PLCE1: variants seen among roughly 807,000 people sequenced by gnomAD.
The protein encoded by PLCE1 is phospholipase C epsilon 1, also known as 1-phosphatidylinositol 4,5-bisphosphate phosphodiesterase epsilon-1.
PLCE1 carries 119 observed loss-of-function variants against 242.8 expected under a neutral mutation model. The ratio of observed to expected loss-of-function variants is 0.49; its 90% CI spans 0.42 to 0.57. The LOEUF (loss-of-function observed/expected upper bound fraction) is 0.57. PLCE1 is among the 20% of genes least tolerant of loss of function. The pLI, the probability that PLCE1 is intolerant of heterozygous loss-of-function variation, is 0.00. For synonymous variants in PLCE1, 945 were observed against 1,017.4 expected (o/e 0.93, Z 1.35); for missense variants, 2,441 against 2,788.8 (o/e 0.88, Z 2.81).
At chr10:94,049,021 T>A (rs1162765723) in intron 2 of PLCE1, among the ~76,000 whole-genome samples, 1 of 151,990 alleles carries the variant, frequency 6.6e-6, no homozygotes, top group Non-Finnish European at 1.5e-5. Context: ...GCCTCAGCCT[T>A]CCAGAATACT....
Position 94,332,495 on chromosome 10 carries a change from ATGTGTGTGCCTGTGTGTGTG to A in PLCE1, c.*4561_*4580del, listed in dbSNP as rs1463946593. The A allele has an allele frequency of 4.6e-5, 6 of 130,346 alleles. No individual in the cohort carries two copies. Among genetic ancestry groups the A allele is most frequent in the Admixed American group, 2.5e-4 (3 of 11,966 alleles). The allele number at this position is 130,346 out of a possible 1,614,324, so 8.1% of individuals were successfully genotyped here. A position where few individuals can be genotyped will look rare whatever the true frequency, so the allele number is the denominator to read the frequency against. On this transcript the variant is annotated 3_prime_UTR_variant, in exon 33 of 33. Coordinates refer to ENST00000371380, the MANE Select transcript of PLCE1 (RefSeq NM_016341.4). ...CTGTAGCTTAATATAGCCTCAGGAT[ATGTGTGTGCCTGTGTGTGTG>A]TGTGTGTGTGTGTGTGTGTGTGTGT...
At chr10:94,156,972 A>G (rs2047452078) in intron 3 of PLCE1, among the ~76,000 whole-genome samples, 1 of 152,138 alleles carries the variant, frequency 6.6e-6, no homozygotes, top group African/African-American at 2.4e-5. Context: ...TAGAGAGAAG[A>G]GCTGACGAGT....
rs750719125 is a variant in PLCE1 at position 94,171,364 on chromosome 10, A to T, written c.1677A>T (p.Leu559Phe). The change falls in exon 4 of 33, where the codon TTA (leucine) becomes TTT (phenylalanine). Residue 559 changes from leucine (L) to phenylalanine (F), a missense_variant. By Grantham distance (22) the Leu-to-Phe change is conservative. Coordinates refer to ENST00000371380, the MANE Select transcript of PLCE1 (RefSeq NM_016341.4). ...RVLPVDYLCF[L>F]TRDLGTPECQ... ...TGCCAGTCGACTACCTTTGCTTCTT[A>T]ACACGGGACTTGGGCACTCCTGAAT... 1 of 1,614,192 alleles carries T rather than the reference A, an allele frequency of 6.2e-7. No homozygotes were observed. Among genetic ancestry groups the T allele is most frequent in the East Asian group, 2.2e-5 (1 of 44,880 alleles).
intron 4 of PLCE1, among the ~76,000 whole-genome samples, chr10:94,184,400 G>T (rs1369564076): frequency 6.6e-6 from 1 of 152,212 alleles, no homozygotes; most frequent in African/African-American, 2.4e-5. Flanking sequence ...ACGACGGTCA[G>T]CTCACTGCAA....
intron 2 of PLCE1, chr10:94,089,368 G>C (rs1322815973): frequency 2.5e-6 from 4 of 1,602,542 alleles, no homozygotes; most frequent in Admixed American, 1.7e-5. Flanking sequence ...GAGGCTTAAA[G>C]AAGACCAGGT....
intron 2 of PLCE1, among the ~76,000 whole-genome samples, chr10:94,052,727 G>T (rs7082860): frequency 0.39 from 59,094 of 151,828 alleles, 14,216 homozygotes; most frequent in African/African-American, 0.69. Context: ...AATTAATTAT[G>T]GCTTTGGGAA....
intron 22 of PLCE1, among the ~76,000 whole-genome samples, chr10:94,288,773 G>C (rs567752916): frequency 6.6e-6 from 1 of 152,270 alleles, no homozygotes; most frequent in African/African-American, 2.4e-5. Flanking sequence ...TACACTGAAG[G>C]AGCCACATGG....
rs1157378517 is a variant in PLCE1 at position 94,316,664 on chromosome 10, A to G, written c.6250A>G (p.Ile2084Val). ...ECRKQPFQRA[I>V]GPEEEIMQIL... is the part of the protein sequence containing the mutation. Reference sequence around the variant, plus strand: ...TAGGAAACAACCATTCCAGAGAGCCATTGGTCCAGAAGAGGAGATCATGCA... The same window carrying G: ...TAGGAAACAACCATTCCAGAGAGCCGTTGGTCCAGAAGAGGAGATCATGCA... Residue 2084 changes from isoleucine (I) to valine (V), a missense_variant, in exon 29 of 33, where the codon ATT (isoleucine) becomes GTT (valine). Ile to Val is a conservative substitution (Grantham distance 29). Coordinates refer to ENST00000371380, the MANE Select transcript of PLCE1 (RefSeq NM_016341.4). 2 of 1,613,544 alleles carry G rather than the reference A, an allele frequency of 1.2e-6. No homozygotes were observed. Among genetic ancestry groups the G allele is most frequent in the African/African-American group, 2.7e-5 (2 of 74,940 alleles).
chr10:94,019,701 T>C (rs1362302250), intron 1 of PLCE1, among the ~76,000 whole-genome samples: 3 of 152,218 alleles, frequency 2.0e-5, no homozygotes, highest in African/African-American at 4.8e-5. Context: ...TTACTTAATT[T>C]AAATTTAAAT....
chr10:94,163,803 C>T (rs1025495371), intron 3 of PLCE1, among the ~76,000 whole-genome samples: 1 of 152,062 alleles, frequency 6.6e-6, no homozygotes, highest in Non-Finnish European at 1.5e-5. Context: ...ACCGGTTGTT[C>T]CTTTACATGT....
intron 1 of PLCE1, among the ~76,000 whole-genome samples, chr10:94,002,562 AACT>A (rs1433148006): frequency 5.9e-5 from 9 of 152,340 alleles, no homozygotes; most frequent in South Asian, 2.1e-4. Flanking sequence ...TTGCTTTAAC[AACT>A]ACAATTCTAT....
At chr10:94,062,671 TA>T (rs1364964236) in intron 2 of PLCE1, among the ~76,000 whole-genome samples, 1 of 149,906 alleles carries the variant, frequency 6.7e-6, no homozygotes, top group Non-Finnish European at 1.5e-5. Flanking sequence ...AATCTGAGAG[TA>T]ATATCTTTTG....
At chr10:94,321,875 C>T (rs756520492) in intron 29 of PLCE1, 26 bp from the exon 30 acceptor site, 1 of 1,560,922 alleles carries the variant, frequency 6.4e-7, no homozygotes, top group Non-Finnish European at 8.8e-7. Flanking sequence ...CTATTATTTA[C>T]TCACATTTTT....
chr10:94,000,760 T>C (rs2060916071), intron 1 of PLCE1, among the ~76,000 whole-genome samples: 1 of 152,186 alleles, frequency 6.6e-6, no homozygotes, highest in Non-Finnish European at 1.5e-5. Context: ...ATAGGTGACT[T>C]CATATACAGT....
intron 3 of PLCE1, chr10:94,138,236 G>C (rs538184390): frequency 6.1e-6 from 2 of 327,074 alleles, no homozygotes; most frequent in Admixed American, 7.9e-5. Flanking sequence ...ACCAGGGGGT[G>C]CTGCATATTG....
intron 28 of PLCE1, 90 bp downstream of exon 28, chr10:94,313,472 C>G: frequency 1.4e-6 from 2 of 1,452,128 alleles, no homozygotes; most frequent in Non-Finnish European, 1.9e-6. Flanking sequence ...TAAACATACA[C>G]AGATGCACAT....
intron 2 of PLCE1, among the ~76,000 whole-genome samples, chr10:94,041,765 G>T (rs376013287): frequency 4.6e-5 from 7 of 152,230 alleles, no homozygotes; most frequent in African/African-American, 1.7e-4. Context: ...GCATGCTGTC[G>T]TTGTAAGTTG....
Position 94,167,556 on chromosome 10 carries a change from A to C in PLCE1, c.1493-3624A>C, listed in dbSNP as rs544307869. 6.6e-5 allele frequency among the ~76,000 whole-genome samples: 10 copies of C among 151,908 alleles called. No individual in the cohort carries two copies. The East Asian group carries it at 1.6e-3, about 24-fold the overall frequency. On this transcript the variant is annotated intron_variant, in intron 3 of 32. Coordinates refer to ENST00000371380, the MANE Select transcript of PLCE1 (RefSeq NM_016341.4). ...ATTATACTTTAAGTTTTAGGGGTAC[A>C]TGTGCACAACGTGCAGGTTTGTTAC...
At position 94,258,803 on chromosome 10, in the gene PLCE1, T is replaced by A. The variant is rs773859507; in HGVS notation, c.3558T>A (p.Ala1186=). The change falls in exon 12 of 33, where the codon GCT becomes GCA. Residue 1186 remains alanine, a synonymous_variant. Transcript: ENST00000371380. Reference sequence around the variant, plus strand: ...GAAGGCCTTGTCTTTGTTGCAGTGCTTGGAGCAGTAGTAGCTGGCACGGGC... The same window carrying A: ...GAAGGCCTTGTCTTTGTTGCAGTGCATGGAGCAGTAGTAGCTGGCACGGGC... ...LSSSNKSPSS[A]WSSSSWHGRI... is the part of the protein sequence containing the mutation. The A allele has an allele frequency of 3.1e-6, 5 of 1,614,090 alleles. No homozygotes were observed. Among genetic ancestry groups the A allele is most frequent in the African/African-American group, 1.3e-5 (1 of 75,044 alleles).
Sources: gnomAD v4.1 joint callset for allele counts (sites outside exome capture counted in the v4.1 genomes callset) on GRCh38, gnomAD v4.1.1 for gene constraint, MANE v1.5 for transcripts, NCBI Gene and HGNC (gene_info 2026-07-23, HGNC 2026-07-21) for gene names.